The following ZNF469 variants were observed in gnomAD, a reference collection of about 807,000 sequenced individuals.
The protein encoded by ZNF469 is zinc finger protein 469.
ZNF469 carries 1 observed loss-of-function variant against 1.0 expected under a neutral mutation model. The ratio of observed to expected loss-of-function variants is 1.00; its 90% CI spans 0.35 to 4.73. The LOEUF is 4.73. Ranked by LOEUF, ZNF469 falls within the 30% of genes most tolerant of loss-of-function variation. The probability of loss-of-function intolerance (pLI) is 0.16; values close to 1 mark genes in which losing one functional copy is unlikely to be tolerated. For missense variants in ZNF469, 6,100 were observed against 5,356.3 expected (o/e 1.14, Z -4.33); for synonymous variants, 2,703 against 2,363.4 (o/e 1.14, Z -4.17).
At chr16:88,164,430 T>C in the ZNF469 span, among the ~76,000 whole-genome samples, 1 of 151,700 alleles carries the variant, frequency 6.6e-6, no homozygotes, top group Admixed American at 6.6e-5. Context: ...TATAAGTGGG[T>C]AAGTGGATGA....
chr16:88,405,684 T>C lies in ZNF469; in HGVS notation c.-191-19123T>C, dbSNP rs190867713. Among the ~76,000 whole-genome samples, 564 of 152,180 alleles carry C rather than the reference T, an allele frequency of 3.7e-3. 1 individual carries two copies. Among genetic ancestry groups the C allele is most frequent in the Middle Eastern group, 6.8e-3 (2 of 294 alleles). On this transcript the variant is annotated intron_variant, in intron 1 of 2. Transcript: ENST00000565624. ...TGGGCCCCACGGACCCTGTGGGTGC[T>C]CAGAGTACCCCCAGGAAGTGCACGT...
chr16:88,329,101 G>C, the ZNF469 span, among the ~76,000 whole-genome samples: 1 of 152,168 alleles, frequency 6.6e-6, no homozygotes, highest in Non-Finnish European at 1.5e-5. Flanking sequence ...GTGCTGACCG[G>C]GAGCTCTGGC....
rs557526837 is a variant in ZNF469 at position 88,390,202 on chromosome 16, G to A, written c.-192+6948G>A. 5.9e-5 allele frequency among the ~76,000 whole-genome samples: 9 copies of A among 152,290 alleles called. No individual in the cohort carries two copies. In the South Asian group the frequency reaches 1.7e-3, roughly 28 times the overall value. ...GGGCTCACGGAGGTCAGGTGGTCAC[G>A]GGGTTCAGCTCAGGCCTGTCTCACA... On this transcript the variant is annotated intron_variant, in intron 1 of 2. Coordinates refer to ENST00000565624, the MANE Select transcript of ZNF469 (RefSeq NM_001367624.2).
chr16:88,430,680 C>T lies in ZNF469; in HGVS notation c.3210C>T (p.Gly1070=). The change falls in exon 3 of 3, where the codon GGC becomes GGT. Residue 1070 remains glycine (G), a synonymous_variant. Coordinates refer to ENST00000565624, the MANE Select transcript of ZNF469 (RefSeq NM_001367624.2). ...RRHRRLGRRA[G]RCGSLAAGRP... ...ACCGGCGGCTGGGGCGGCGGGCGGG[C>T]AGGTGCGGCTCCCTGGCGGCGGGGA... 1.3e-6 allele frequency: 2 copies of T among 1,493,338 alleles called. No homozygotes were observed. Among genetic ancestry groups the T allele is most frequent in the Non-Finnish European group, 1.8e-6 (2 of 1,128,578 alleles). The allele number at this position is 1,493,338 out of a possible 1,614,324, so 92.5% of individuals were successfully genotyped here.
chr16:88,202,962 A>G, the ZNF469 span, among the ~76,000 whole-genome samples: 3 of 152,188 alleles, frequency 2.0e-5, no homozygotes, highest in East Asian at 5.8e-4. Context: ...TTGCCGTGAC[A>G]GTCTCTGTGC....
chr16:88,433,776 C>T lies in ZNF469; in HGVS notation c.6306C>T (p.Ser2102=), dbSNP rs532279011. 2 of 1,549,604 alleles carry T rather than the reference C, an allele frequency of 1.3e-6. No homozygotes were observed. The highest frequency in any genetic ancestry group is 2.4e-5 in the East Asian group (1 of 40,916). Reference sequence around the variant, plus strand: ...AGCCACTGCTGGCCACAGGGGATAGCCCAGCACCCTCTGTCGGGGACCTGG... The same window carrying T: ...AGCCACTGCTGGCCACAGGGGATAGTCCAGCACCCTCTGTCGGGGACCTGG... ...LNKPLLATGD[S]PAPSVGDLAA... The change falls in exon 3 of 3, where the codon AGC becomes AGT. Residue 2102 remains serine, a synonymous_variant. Transcript: ENST00000565624.
At chr16:88,376,362 C>G in the ZNF469 span, among the ~76,000 whole-genome samples, 2 of 152,236 alleles carry the variant, frequency 1.3e-5, no homozygotes, top group African/African-American at 4.8e-5. Flanking sequence ...ACAGCCGGGC[C>G]CGGTGTGAGG....
Position 88,439,189 on chromosome 16 carries a change from AG to A in ZNF469, c.11723del (p.Gly3908AlafsTer33). On this transcript the variant is annotated frameshift_variant, in exon 3 of 3. Coordinates refer to ENST00000565624, the MANE Select transcript of ZNF469 (RefSeq NM_001367624.2). LOFTEE classifies it low-confidence loss of function (END_TRUNC). ...QGRPLLRPPK[R>X]GTAVHGAEPA... ...GAGACCCCTGCTCAGGCCCCCCAAGAGGGGCACAGCTGTCCACGGTGCTGAA... is the reference window on the plus strand; with the variant it reads ...GAGACCCCTGCTCAGGCCCCCCAAGAGGGCACAGCTGTCCACGGTGCTGAA... 1 of 1,550,362 alleles carries A rather than the reference AG, an allele frequency of 6.5e-7. No homozygotes were observed. The highest frequency in any genetic ancestry group is 8.7e-7 in the Non-Finnish European group (1 of 1,146,956).
intron 1 of ZNF469, among the ~76,000 whole-genome samples, chr16:88,421,115 G>A (rs572205342): frequency 1.6e-4 from 25 of 151,784 alleles, no homozygotes; most frequent in African/African-American, 5.8e-4. Context: ...AAGAGGAGGT[G>A]AGGCGAAGAG....
At chr16:88,242,949 G>A in the ZNF469 span, among the ~76,000 whole-genome samples, 1 of 152,204 alleles carries the variant, frequency 6.6e-6, no homozygotes, top group African/African-American at 2.4e-5. Context: ...AAAAACAAAA[G>A]GAACAGAAGC....
chr16:88,104,340 G>A, the ZNF469 span, among the ~76,000 whole-genome samples: 22 of 151,490 alleles, frequency 1.5e-4, no homozygotes, highest in Non-Finnish European at 2.8e-4. Flanking sequence ...CGTTTAGACT[G>A]CAGAGAGATG....
the ZNF469 span, among the ~76,000 whole-genome samples, chr16:88,184,762 G>A: frequency 6.6e-6 from 1 of 152,156 alleles, no homozygotes; most frequent in Non-Finnish European, 1.5e-5. Flanking sequence ...AGGCATTTAC[G>A]ACCTCAGCGA....
chr16:88,287,769 T>G, the ZNF469 span, among the ~76,000 whole-genome samples: 1 of 152,206 alleles, frequency 6.6e-6, no homozygotes, highest in Non-Finnish European at 1.5e-5. Context: ...CATTATGCAT[T>G]CACGCTCCAG....
chr16:88,119,715 T>G, the ZNF469 span, among the ~76,000 whole-genome samples: 1 of 152,190 alleles, frequency 6.6e-6, no homozygotes, highest in Non-Finnish European at 1.5e-5. Context: ...ACTGGGCTGT[T>G]CCCAGGTGGC....
At chr16:88,250,308 G>A in the ZNF469 span, among the ~76,000 whole-genome samples, 6 of 152,310 alleles carry the variant, frequency 3.9e-5, no homozygotes, top group East Asian at 1.9e-4. Context: ...ATCATATCAC[G>A]TTATTCCTGT....
At chr16:88,344,863 G>C in the ZNF469 span, among the ~76,000 whole-genome samples, 7 of 152,212 alleles carry the variant, frequency 4.6e-5, no homozygotes, top group Admixed American at 6.5e-5. Context: ...TGGGTCCCGC[G>C]TGTCGAACCC....
chr16:88,373,093 A>G, the ZNF469 span, among the ~76,000 whole-genome samples: 10 of 152,348 alleles, frequency 6.6e-5, no homozygotes, highest in Middle Eastern at 3.4e-3. Context: ...TCTTTTAAGT[A>G]CTTGACATTG....
the ZNF469 span, among the ~76,000 whole-genome samples, chr16:88,153,603 C>T: frequency 1.3e-5 from 2 of 152,228 alleles, no homozygotes; most frequent in East Asian, 1.9e-4. Context: ...TCAGCAGGGT[C>T]GCTGACTGTG....
In ZNF469 at chr16:88,436,542, G is replaced by C. The variant is rs1224147225; in HGVS notation, c.9072G>C (p.Glu3024Asp). The C allele has an allele frequency of 6.5e-7, 1 of 1,549,550 alleles. No individual in the cohort carries two copies. The highest frequency in any genetic ancestry group is 2.0e-5 in the Admixed American group (1 of 51,016). ...GDVSPEPPSL[E>D]RERCDGGLPG... Reference sequence around the variant, plus strand: ...TGAGCCCCGAGCCCCCCAGCCTGGAGAGAGAACGCTGTGACGGTGGGCTTC... The same window carrying C: ...TGAGCCCCGAGCCCCCCAGCCTGGACAGAGAACGCTGTGACGGTGGGCTTC... Residue 3024 changes from glutamate to aspartate, a missense_variant, in exon 3 of 3, where the codon GAG becomes GAC. Coordinates refer to ENST00000565624, the MANE Select transcript of ZNF469 (RefSeq NM_001367624.2).
Sources: gnomAD v4.1 joint callset for allele counts (sites outside exome capture counted in the v4.1 genomes callset) on GRCh38, gnomAD v4.1.1 for gene constraint, MANE v1.5 for transcripts, NCBI Gene and HGNC (gene_info 2026-07-23, HGNC 2026-07-21) for gene names.